Variants in TCERG1L observed in about 807,000 individuals in gnomAD.
TCERG1L encodes the protein transcription elongation regulator 1-like protein.
Under a neutral mutation model 56.3 loss-of-function variants are expected in TCERG1L, and 37 were observed. The observed-to-expected ratio is 0.66, with a 90% CI of 0.51 to 0.87. The LOEUF is 0.87. Ranked by LOEUF, TCERG1L falls within the 40% of genes least tolerant of loss-of-function variation. The pLI is 0.00. For missense variants in TCERG1L, 799 were observed against 774.2 expected, an observed-to-expected ratio of 1.03 and a Z score of -0.38; for synonymous variants, 324 against 326.3, an observed-to-expected ratio of 0.99 and a Z score of 0.08.
intron 9 of TCERG1L, among the ~76,000 whole-genome samples, chr10:131,105,865 C>T (rs1278407649): frequency 6.6e-6 from 1 of 152,190 alleles, no homozygotes; most frequent in African/African-American, 2.4e-5. Context: ...TTGAGGTTGG[C>T]CTTGGCGAGC....
chr10:131,283,608 G>T (rs1846487998), intron 3 of TCERG1L, among the ~76,000 whole-genome samples: 2 of 152,146 alleles, frequency 1.3e-5, no homozygotes, highest in Non-Finnish European at 2.9e-5. Flanking sequence ...TATACTAATT[G>T]TATATGAAAT....
rs1321337721 is a variant in TCERG1L at position 131,260,388 on chromosome 10, C to T, written c.727G>A (p.Ala243Thr). 6.8e-5 allele frequency: 101 copies of T among 1,485,206 alleles called. No homozygotes were observed. The highest frequency in any genetic ancestry group is 6.8e-4 in the South Asian group (47 of 69,458). 92.0% of individuals were successfully genotyped at this position (1,485,206 alleles called of 1,614,324 possible). Reference protein sequence around the residue: ...TSSPAIAIATAAAAAMVSVDP... With the variant: ...TSSPAIAIATTAAAAMVSVDP... The stretch of plus-strand genomic sequence containing the variant: ...ACGGAGACCATGGCAGCGGCGGCGG[C>T]GGTGGCGATGGCAATGGCGGGGCTG... Residue 243 changes from alanine (A) to threonine (T), a missense_variant, in exon 4 of 12, where the codon GCC becomes ACC. Ala to Thr is a moderately conservative substitution (Grantham distance 58, BLOSUM62 0). Transcript: ENST00000368642. The surrounding 1 kb of genome is among the most constrained non-coding windows in gnomAD (Gnocchi z 5.8).
intron 4 of TCERG1L, among the ~76,000 whole-genome samples, chr10:131,248,350 C>A (rs553765655): frequency 6.1e-4 from 93 of 152,284 alleles, no homozygotes; most frequent in African/African-American, 2.0e-3. Context: ...ATGTCAGAGC[C>A]AGGACAATGA....
chr10:131,253,893 C>G (rs563088560), intron 4 of TCERG1L, among the ~76,000 whole-genome samples: 10 of 152,252 alleles, frequency 6.6e-5, no homozygotes, highest in Non-Finnish European at 1.5e-5. Context: ...GTGTGACATG[C>G]CAGTGGGGGA....
intron 4 of TCERG1L, among the ~76,000 whole-genome samples, chr10:131,177,083 C>T (rs11017791): frequency 0.11 from 10,211 of 94,760 alleles, 11 homozygotes; most frequent in African/African-American, 0.25. Context: ...TACACACACA[C>T]GTACTCACAG....
chr10:131,113,882 T>C (rs751792503), intron 9 of TCERG1L, among the ~76,000 whole-genome samples: 1 of 142,624 alleles, frequency 7.0e-6, no homozygotes, highest in East Asian at 2.3e-4. Context: ...TCTAATGTGT[T>C]TACCTAAGCA....
intron 4 of TCERG1L, among the ~76,000 whole-genome samples, chr10:131,225,925 T>G (rs1190816239): frequency 1.3e-5 from 2 of 152,136 alleles, no homozygotes; most frequent in African/African-American, 2.4e-5. Context: ...GACGCCAGGG[T>G]CAATTTCCTT....
chr10:131,259,726 T>C lies in TCERG1L; in HGVS notation c.856+533A>G, dbSNP rs563854023. ...CGTCTACTGCATTAATGAGCTCAAA[T>C]GCCTTTGTGGCGGCCCAAGCCTCTG... On this transcript the variant is annotated intron_variant, in intron 4 of 11. Transcript: ENST00000368642. Among the ~76,000 whole-genome samples, 264 of 152,332 alleles carry C rather than the reference T, an allele frequency of 1.7e-3. 1 individual carries two copies. The highest frequency in any genetic ancestry group is 3.4e-3 in the Middle Eastern group (1 of 294).
intron 3 of TCERG1L, among the ~76,000 whole-genome samples, chr10:131,269,182 A>ATTTATTTGTTTC (rs59572948): frequency 1.3e-5 from 2 of 151,128 alleles, no homozygotes; most frequent in Non-Finnish European, 3.0e-5. Flanking sequence ...TACAATTTCT[A>ATTTATTTGTTTC]TTTGTTTGTT....
chr10:131,131,060 C>A (rs182178650), intron 8 of TCERG1L, among the ~76,000 whole-genome samples: 142 of 152,310 alleles, frequency 9.3e-4, no homozygotes, highest in Non-Finnish European at 1.7e-3. Context: ...ATTTCACAAG[C>A]CCTGGGCCAC....
chr10:131,296,943 T>G (rs1265755398), intron 3 of TCERG1L, among the ~76,000 whole-genome samples: 1 of 152,254 alleles, frequency 6.6e-6, no homozygotes, highest in Non-Finnish European at 1.5e-5. Context: ...CCTTGCATCC[T>G]GCAACCTTGC....
chr10:131,136,172 G>A (rs1002947470), intron 7 of TCERG1L, among the ~76,000 whole-genome samples: 4 of 152,226 alleles, frequency 2.6e-5, no homozygotes, highest in Non-Finnish European at 4.4e-5. Context: ...GGGGGCCATG[G>A]AAGGGAAGAG....
chr10:131,174,163 C>T (rs1435147938), intron 4 of TCERG1L, among the ~76,000 whole-genome samples: 1 of 152,174 alleles, frequency 6.6e-6, no homozygotes, highest in Admixed American at 6.5e-5. Context: ...ACCTGCTGAC[C>T]TGCCTGGAAT....
At chr10:131,153,005 G>A (rs1357688199) in intron 6 of TCERG1L, among the ~76,000 whole-genome samples, 1 of 152,158 alleles carries the variant, frequency 6.6e-6, no homozygotes, top group Non-Finnish European at 1.5e-5. Flanking sequence ...GGATTATGGG[G>A]ATTACAATTC....
chr10:131,184,226 C>T (rs1057167169), intron 4 of TCERG1L, among the ~76,000 whole-genome samples: 12 of 152,248 alleles, frequency 7.9e-5, no homozygotes, highest in African/African-American at 2.7e-4. Context: ...TATTTCTATT[C>T]TAGCGTATCA....
intron 4 of TCERG1L, among the ~76,000 whole-genome samples, chr10:131,257,336 G>A (rs186608723): frequency 7.6e-4 from 116 of 152,336 alleles, no homozygotes; most frequent in African/African-American, 2.7e-3. Flanking sequence ...CGCCCGTGCT[G>A]ACACCACTCT....
chr10:131,146,736 T>C, intron 6 of TCERG1L, 76 bp from the exon 7 acceptor site: 1 of 1,494,778 alleles, frequency 6.7e-7, no homozygotes, highest in Non-Finnish European at 9.0e-7. Context: ...GAACTCTCAC[T>C]GAAAAAGCCC....
intron 8 of TCERG1L, among the ~76,000 whole-genome samples, chr10:131,131,280 G>T (rs941300988): frequency 2.0e-5 from 3 of 152,172 alleles, no homozygotes; most frequent in African/African-American, 7.2e-5. Flanking sequence ...AGGGATAGGA[G>T]GGAGGGAACT....
intron 3 of TCERG1L, among the ~76,000 whole-genome samples, chr10:131,303,683 AT>A (rs1192968016): frequency 6.6e-6 from 1 of 152,078 alleles, no homozygotes; most frequent in Non-Finnish European, 1.5e-5. Context: ...AGTCACATCT[AT>A]TTATGCTTAA....
Sources: gnomAD v4.1 joint callset for allele counts (sites outside exome capture counted in the v4.1 genomes callset) on GRCh38, gnomAD v4.1.1 for gene constraint, Gnocchi (gnomAD v3.1) non-coding constraint, MANE v1.5 for transcripts, NCBI Gene and HGNC (gene_info 2026-07-23, HGNC 2026-07-21) for gene names.